Variants in PCDHAC1 observed in about 807,000 individuals in gnomAD.
PCDHAC1 encodes the protein protocadherin alpha-C1.
Under a neutral mutation model 60.0 loss-of-function variants are expected in PCDHAC1, and 42 were observed. The ratio of observed to expected loss-of-function variants is 0.70; its 90% CI spans 0.55 to 0.90. The LOEUF (loss-of-function observed/expected upper bound fraction) is 0.90, where lower values mean the gene tolerates loss of function less well. PCDHAC1 is among the 40% of genes least tolerant of loss of function. The probability of loss-of-function intolerance (pLI) is 0.00; values close to 1 mark genes in which losing one functional copy is unlikely to be tolerated. For synonymous variants in PCDHAC1, 468 were observed against 499.3 expected (o/e 0.94, Z 0.84); for missense variants, 1,160 against 1,222.3 (o/e 0.95, Z 0.76).
intron 1 of PCDHAC1, among the ~76,000 whole-genome samples, chr5:140,944,988 G>A (rs1554216650): frequency 6.6e-6 from 1 of 152,048 alleles, no homozygotes; most frequent in Non-Finnish European, 1.5e-5. Flanking sequence ...GTCTACTTCT[G>A]TAACGGTTGT....
chr5:140,980,085 T>C (rs1294414077), intron 2 of PCDHAC1, among the ~76,000 whole-genome samples: 1 of 152,242 alleles, frequency 6.6e-6, no homozygotes, highest in Non-Finnish European at 1.5e-5. Context: ...AGATTAGTAG[T>C]TGGCTTGGTA....
chr5:140,956,733 C>A (rs1412191742), intron 1 of PCDHAC1, among the ~76,000 whole-genome samples: 1 of 152,172 alleles, frequency 6.6e-6, no homozygotes, highest in Non-Finnish European at 1.5e-5. Flanking sequence ...ACCAGCTCCT[C>A]TTTGTACCTC....
intron 1 of PCDHAC1, chr5:140,930,248 C>T (rs2086692121): frequency 1.3e-5 from 2 of 152,178 alleles, no homozygotes; most frequent in South Asian, 4.1e-4. Flanking sequence ...GTCCATTCAA[C>T]TTGGATTTAA....
At position 140,970,818 on chromosome 5, in the gene PCDHAC1, G is replaced by A. The variant is rs77234853; in HGVS notation, c.2434-8131G>A. Among the ~76,000 whole-genome samples, 569 of 152,084 alleles carry A rather than the reference G, an allele frequency of 3.7e-3. 1 individual carries two copies. The highest frequency in any genetic ancestry group is 5.8e-3 in the South Asian group (28 of 4,824). On this transcript the variant is annotated intron_variant, in intron 1 of 3. Coordinates refer to ENST00000253807, the MANE Select transcript of PCDHAC1 (RefSeq NM_018898.5). ...CATATTGTTACATTTCAAGTTCATGGTAATCTTGAGGAATGTAATGCACAG... is the reference window on the plus strand; with the variant it reads ...CATATTGTTACATTTCAAGTTCATGATAATCTTGAGGAATGTAATGCACAG...
chr5:140,927,363 GAT>G lies in PCDHAC1; in HGVS notation c.473_474del (p.Ile158ThrfsTer20), dbSNP rs1188531316. 33 of 1,613,946 alleles carry G rather than the reference GAT, an allele frequency of 2.0e-5. No homozygotes were observed. Among genetic ancestry groups the G allele is most frequent in the Non-Finnish European group, 2.7e-5 (32 of 1,179,912 alleles). ...AQDDDEGSNGILSYSLSPSQH... is the reference protein window; with the variant it reads ...AQDDDEGSNGXLSYSLSPSQH... ...AAGATGACGACGAGGGAAGCAATGG[GAT>G]ACTAAGCTACAGCCTAAGCCCCAGT... On this transcript the variant is annotated frameshift_variant, in exon 1 of 4. Coordinates refer to ENST00000253807, the MANE Select transcript of PCDHAC1 (RefSeq NM_018898.5). LOFTEE classifies it high-confidence loss of function.
chr5:141,008,438 A>G (rs1214725080), intron 3 of PCDHAC1, among the ~76,000 whole-genome samples: 1 of 152,204 alleles, frequency 6.6e-6, no homozygotes, highest in Admixed American at 6.5e-5. Flanking sequence ...TTGCCCAGAC[A>G]GACCATTACC....
At chr5:140,966,741 G>A in intron 1 of PCDHAC1, 1 of 1,421,320 alleles carries the variant, frequency 7.0e-7, no homozygotes, top group Non-Finnish European at 9.1e-7. Context: ...GGCCCTGCCC[G>A]GCTGCCTCCG....
chr5:140,967,687 C>T (rs1173018126), intron 1 of PCDHAC1: 1 of 1,614,094 alleles, frequency 6.2e-7, no homozygotes, highest in Non-Finnish European at 8.5e-7. Context: ...AGAGGCAGCT[C>T]TTCAGCATAG....
chr5:140,951,683 A>G (rs1389313679), intron 1 of PCDHAC1, among the ~76,000 whole-genome samples: 1 of 152,160 alleles, frequency 6.6e-6, no homozygotes, highest in Non-Finnish European at 1.5e-5. Flanking sequence ...TGGGGATTAC[A>G]ATGTGACATG....
chr5:140,952,873 A>G (rs1554220663), intron 1 of PCDHAC1, among the ~76,000 whole-genome samples: 1 of 152,168 alleles, frequency 6.6e-6, no homozygotes, highest in South Asian at 2.1e-4. Context: ...GGAAACTTAC[A>G]ATCATGGTGG....
At position 140,951,793 on chromosome 5, in the gene PCDHAC1, C is replaced by T. The variant is rs536005204; in HGVS notation, c.2433+22468C>T. 5.3e-5 allele frequency among the ~76,000 whole-genome samples: 8 copies of T among 152,244 alleles called. No homozygotes were observed. The South Asian group carries it at 1.7e-3, about 32-fold the overall frequency. On this transcript the variant is annotated intron_variant, in intron 1 of 3. Coordinates refer to ENST00000253807, the MANE Select transcript of PCDHAC1 (RefSeq NM_018898.5). ...TTCTTACATTGCAAAATACAATTAT[C>T]CCTTCCCAATGGTCCCTCAAAGTCT...
At chr5:140,968,990 T>C in intron 1 of PCDHAC1, 1 of 1,614,254 alleles carries the variant, frequency 6.2e-7, no homozygotes, top group Non-Finnish European at 8.5e-7. Flanking sequence ...CACTGCATGC[T>C]GTGGAGGCTT....
rs182361197 is a variant in PCDHAC1, at chr5:140,979,956, T to G, written c.2492+949T>G. 2.0e-5 allele frequency among the ~76,000 whole-genome samples: 3 copies of G among 152,378 alleles called. No homozygotes were observed. In the East Asian group the frequency reaches 5.8e-4, roughly 29 times the overall value. ...GTGTAGAGTTAATGTGAAATTAGTT[T>G]TAGCCCATTAAAATGCATTAGATTG... On this transcript the variant is annotated intron_variant, in intron 2 of 3. Transcript: ENST00000253807.
chr5:140,989,949 G>A (rs551733184), intron 3 of PCDHAC1, among the ~76,000 whole-genome samples: 3 of 152,064 alleles, frequency 2.0e-5, no homozygotes, highest in South Asian at 2.1e-4. Context: ...CGTTTTTCTC[G>A]GTGAGACCAA....
chr5:140,951,237 T>G (rs1405165070), intron 1 of PCDHAC1, among the ~76,000 whole-genome samples: 2 of 152,200 alleles, frequency 1.3e-5, no homozygotes, highest in African/African-American at 4.8e-5. Flanking sequence ...GTCTTTACCT[T>G]TAGGAATGCA....
intron 3 of PCDHAC1, among the ~76,000 whole-genome samples, chr5:140,996,256 A>C (rs2097718697): frequency 6.6e-6 from 1 of 152,252 alleles, no homozygotes. Flanking sequence ...TGACAGCAAC[A>C]CAGAGCCTGG....
intron 2 of PCDHAC1, among the ~76,000 whole-genome samples, chr5:140,981,605 C>CT (rs1444386694): frequency 1.1e-4 from 17 of 152,174 alleles, no homozygotes; most frequent in African/African-American, 2.9e-4. Context: ...AAATGTTCCT[C>CT]TAATTTTGAT....
intron 3 of PCDHAC1, among the ~76,000 whole-genome samples, chr5:140,993,224 G>A (rs547665525): frequency 6.6e-6 from 1 of 152,210 alleles, no homozygotes; most frequent in East Asian, 1.9e-4. Context: ...TTTTTGGTAT[G>A]TTCTCTCTGA....
At chr5:140,963,319 G>T (rs1554226565) in intron 1 of PCDHAC1, among the ~76,000 whole-genome samples, 1 of 152,174 alleles carries the variant, frequency 6.6e-6, no homozygotes, top group East Asian at 1.9e-4. Flanking sequence ...GTTTGTATTA[G>T]AATTACACAG....
Sources: gnomAD v4.1 joint callset for allele counts (sites outside exome capture counted in the v4.1 genomes callset) on GRCh38, gnomAD v4.1.1 for gene constraint, MANE v1.5 for transcripts, NCBI Gene and HGNC (gene_info 2026-07-23, HGNC 2026-07-21) for gene names.